The following ADORA2B variants were observed in gnomAD, a reference collection of about 807,000 sequenced individuals.
ADORA2B encodes adenosine A2b receptor, also known as adenosine receptor A2b.
Under a neutral mutation model 20.8 loss-of-function variants are expected in ADORA2B, and 18 were observed. The observed-to-expected ratio is 0.87, with a 90% CI of 0.60 to 1.29. ADORA2B has a LOEUF of 1.29. Ranked by LOEUF, ADORA2B falls within the 50% of genes most tolerant of loss-of-function variation. The pLI, the probability that ADORA2B is intolerant of heterozygous loss-of-function variation, is 0.00. For synonymous variants in ADORA2B, 179 were observed against 178.3 expected, an observed-to-expected ratio of 1.00 and a Z score of -0.03; for missense variants, 441 against 422.7, an observed-to-expected ratio of 1.04 and a Z score of -0.38.
At chr17:15,930,192 G>A in the ADORA2B span, among the ~76,000 whole-genome samples, 1 of 151,918 alleles carries the variant, frequency 6.6e-6, no homozygotes, top group Non-Finnish European at 1.5e-5. Context: ...GGGCGACCCT[G>A]TTGAGCCTCT....
the ADORA2B span, among the ~76,000 whole-genome samples, chr17:15,932,766 CATTTATTTCTGG>C: frequency 3.0e-4 from 46 of 152,120 alleles, no homozygotes; most frequent in Non-Finnish European, 5.4e-4. Flanking sequence ...TAAATGTAAG[CATTTATTTCTGG>C]ATTCTCAGTT....
At chr17:15,883,124 C>G in the ADORA2B span, among the ~76,000 whole-genome samples, 2 of 152,166 alleles carry the variant, frequency 1.3e-5, no homozygotes, top group Non-Finnish European at 2.9e-5. Context: ...TTCAGCCTTT[C>G]TAAGGATAAG....
the ADORA2B span, among the ~76,000 whole-genome samples, chr17:15,866,461 C>T: frequency 2.6e-5 from 4 of 151,260 alleles, no homozygotes; most frequent in Admixed American, 1.3e-4. Context: ...TTGGGATGCA[C>T]CTGCTCAGGT....
intron 1 of ADORA2B, among the ~76,000 whole-genome samples, chr17:15,956,639 A>G (rs1228470920): frequency 8.4e-6 from 1 of 118,904 alleles, no homozygotes; most frequent in South Asian, 2.7e-4. Context: ...CTTACTGCCC[A>G]GGCTGGAGTG....
the ADORA2B span, among the ~76,000 whole-genome samples, chr17:15,886,970 G>A: frequency 1.5e-5 from 2 of 130,958 alleles, no homozygotes; most frequent in South Asian, 2.3e-4. Flanking sequence ...GTGTTGGCCC[G>A]TGCTTGCAAG....
At chr17:15,962,495 G>A (rs971332018) in intron 1 of ADORA2B, among the ~76,000 whole-genome samples, 2 of 151,576 alleles carry the variant, frequency 1.3e-5, no homozygotes, top group African/African-American at 4.8e-5. Context: ...CATTAAACGA[G>A]TTATAATCCA....
chr17:15,945,049 C>A (rs1969780304), upstream of ADORA2B: 1 of 355,162 alleles, frequency 2.8e-6, no homozygotes, highest in African/African-American at 2.1e-5. Context: ...GGCGGGCGCG[C>A]GGGCCAATGG....
chr17:15,945,434 C>T lies in ADORA2B; in HGVS notation c.186C>T (p.Pro62=), dbSNP rs1355118219. The change falls in exon 1 of 2, where the codon CCC becomes CCT. Residue 62 remains proline (P), a synonymous_variant. Coordinates refer to ENST00000304222, the MANE Select transcript of ADORA2B (RefSeq NM_000676.4). Reference sequence around the variant, plus strand: ...TGGCCGTGGGGCTCTTCGCCATCCCCTTTGCCATCACCATCAGCCTGGGCT... The same window carrying T: ...TGGCCGTGGGGCTCTTCGCCATCCCTTTTGCCATCACCATCAGCCTGGGCT... The part of the protein sequence containing the change: ...ADVAVGLFAI[P]FAITISLGFC... The T allele has an allele frequency of 5.6e-6, 9 of 1,613,626 alleles. No individual in the cohort carries two copies. Among genetic ancestry groups the T allele is most frequent in the Middle Eastern group, 1.6e-4 (1 of 6,084 alleles).
the ADORA2B span, chr17:15,850,445 A>G: frequency 6.6e-6 from 1 of 152,248 alleles, no homozygotes; most frequent in Non-Finnish European, 1.5e-5. Context: ...AGGAGAAAAG[A>G]ATAATAAATA....
the ADORA2B span, among the ~76,000 whole-genome samples, chr17:15,888,833 TATATATATATATATA>T: frequency 5.2e-5 from 1 of 19,116 alleles, no homozygotes; most frequent in Non-Finnish European, 1.0e-4. Context: ...TATATATATA[TATATATATATATATA>T]TATTTTTTTT....
the ADORA2B span, among the ~76,000 whole-genome samples, chr17:15,902,784 T>G: frequency 6.6e-6 from 1 of 152,178 alleles, no homozygotes; most frequent in Non-Finnish European, 1.5e-5. Context: ...GGCTTCTGGA[T>G]CTACACTTCC....
intron 1 of ADORA2B, among the ~76,000 whole-genome samples, chr17:15,964,879 G>A (rs879444220): frequency 1.2e-4 from 19 of 152,006 alleles, no homozygotes; most frequent in Non-Finnish European, 2.2e-4. Context: ...GGCTAACACG[G>A]TGAAACCCCG....
intron 1 of ADORA2B, among the ~76,000 whole-genome samples, chr17:15,946,233 A>G (rs965718823): frequency 4.6e-5 from 7 of 152,182 alleles, no homozygotes; most frequent in African/African-American, 1.2e-4. Flanking sequence ...AGGAGTTACA[A>G]TGCTTCCTCG....
chr17:15,919,769 TG>T, the ADORA2B span, among the ~76,000 whole-genome samples: 1 of 151,976 alleles, frequency 6.6e-6, no homozygotes, highest in Non-Finnish European at 1.5e-5. Flanking sequence ...GGATGCCAGG[TG>T]GGGGCAGAGG....
chr17:15,921,167 A>C, the ADORA2B span, among the ~76,000 whole-genome samples: 1 of 137,828 alleles, frequency 7.3e-6, no homozygotes, highest in Non-Finnish European at 1.5e-5. Context: ...GACAATGGAA[A>C]CCTGTTTCCA....
the ADORA2B span, among the ~76,000 whole-genome samples, chr17:15,867,074 C>T: frequency 6.6e-6 from 1 of 152,206 alleles, no homozygotes; most frequent in Non-Finnish European, 1.5e-5. Flanking sequence ...GACGGAGTCG[C>T]GTTCACTCAG....
the ADORA2B span, among the ~76,000 whole-genome samples, chr17:15,885,940 G>A: frequency 3.9e-5 from 6 of 152,208 alleles, no homozygotes; most frequent in Non-Finnish European, 7.3e-5. Flanking sequence ...CTTTAGAGCA[G>A]TGGACATTTA....
the ADORA2B span, among the ~76,000 whole-genome samples, chr17:15,920,804 C>T: frequency 1.4e-4 from 21 of 152,114 alleles, no homozygotes; most frequent in Admixed American, 3.3e-4. Flanking sequence ...ATCACAGCAC[C>T]GCGCAGGTAT....
At chr17:15,973,858 T>G (rs1255916708) in intron 1 of ADORA2B, 1 of 152,218 alleles carries the variant, frequency 6.6e-6, no homozygotes, top group Admixed American at 6.5e-5. Context: ...AGCAAAATGA[T>G]GCACTGTATA....
Sources: allele counts gnomAD v4.1 joint callset (sites outside exome capture counted in the v4.1 genomes callset), GRCh38; gene constraint gnomAD v4.1.1; transcripts MANE v1.5; gene names NCBI Gene and HGNC (gene_info 2026-07-23, HGNC 2026-07-21).